Variants in KCTD16 observed in about 807,000 individuals in gnomAD.
KCTD16 encodes BTB/POZ domain-containing protein KCTD16.
A neutral mutation model predicts 33.2 loss-of-function variants in KCTD16; 13 were observed. That is an observed-to-expected ratio of 0.39 (90% CI 0.25 to 0.62). The LOEUF is 0.62. KCTD16 is among the 20% of genes least tolerant of loss of function. The probability of loss-of-function intolerance (pLI) is 0.50; values close to 1 mark genes in which losing one functional copy is unlikely to be tolerated. For missense variants in KCTD16, 441 were observed against 525.1 expected (o/e 0.84, Z 1.57); for synonymous variants, 197 against 195.3 (o/e 1.01, Z -0.07).
intron 3 of KCTD16, among the ~76,000 whole-genome samples, chr5:144,441,089 C>G (rs968865873): frequency 6.6e-6 from 1 of 151,982 alleles, no homozygotes; most frequent in Non-Finnish European, 1.5e-5. Flanking sequence ...TATTCGGATC[C>G]TTTGTTCATT....
chr5:144,415,348 A>T (rs1415125011), intron 3 of KCTD16, among the ~76,000 whole-genome samples: 3 of 152,178 alleles, frequency 2.0e-5, no homozygotes, highest in African/African-American at 7.2e-5. Flanking sequence ...ACACATTTGA[A>T]CCATAGCAAC....
At chr5:144,395,449 T>C (rs1035328383) in intron 3 of KCTD16, among the ~76,000 whole-genome samples, 4 of 152,184 alleles carry the variant, frequency 2.6e-5, no homozygotes, top group African/African-American at 9.7e-5. Flanking sequence ...CTCTGGGCAT[T>C]CTGCTGCAAT....
chr5:144,299,132 ATATATATATATATATATTTTTT>A (rs1751330425), intron 3 of KCTD16, among the ~76,000 whole-genome samples: 4 of 28,650 alleles, frequency 1.4e-4, no homozygotes, highest in African/African-American at 1.1e-3. Context: ...ATATATATAT[ATATATATATATATATATTTTTT>A]TTTTTTTTTT....
chr5:144,244,074 A>G (rs920393705), intron 3 of KCTD16, among the ~76,000 whole-genome samples: 9 of 152,072 alleles, frequency 5.9e-5, no homozygotes, highest in Non-Finnish European at 8.8e-5. Context: ...TATGGCATGT[A>G]ACTCTTTGGG....
chr5:144,344,011 A>C (rs1752716065), intron 3 of KCTD16, among the ~76,000 whole-genome samples: 1 of 152,154 alleles, frequency 6.6e-6, no homozygotes. Context: ...CAAAACAGAG[A>C]TATAGATCAA....
intron 3 of KCTD16, among the ~76,000 whole-genome samples, chr5:144,284,286 G>A (rs1347110874): frequency 6.6e-6 from 1 of 152,186 alleles, no homozygotes. Context: ...AACACTCCAG[G>A]AAATTTGAGG....
At chr5:144,256,332 T>C (rs534570527) in intron 3 of KCTD16, among the ~76,000 whole-genome samples, 2 of 152,356 alleles carry the variant, frequency 1.3e-5, no homozygotes, top group Admixed American at 6.5e-5. Context: ...CTTCCACTAC[T>C]ATAAACACTG....
chr5:144,465,667 C>A (rs1754312682), intron 3 of KCTD16, among the ~76,000 whole-genome samples: 3 of 152,190 alleles, frequency 2.0e-5, no homozygotes, highest in Admixed American at 2.0e-4. Flanking sequence ...AACCCTCATT[C>A]CCTTCCAAGT....
chr5:144,175,619 G>A (rs930811658), intron 2 of KCTD16, among the ~76,000 whole-genome samples: 3 of 152,164 alleles, frequency 2.0e-5, no homozygotes, highest in African/African-American at 7.2e-5. Flanking sequence ...GTAGTTAAGG[G>A]TAGAGGCCCT....
At chr5:144,438,434 T>C (rs533305418) in intron 3 of KCTD16, among the ~76,000 whole-genome samples, 5 of 152,356 alleles carry the variant, frequency 3.3e-5, no homozygotes, top group South Asian at 2.1e-4. Flanking sequence ...GTTGACTCTG[T>C]GCATCTGTCT....
rs1754666488 is a variant in KCTD16, at chr5:144,479,650, T to A, written c.*5536T>A. On this transcript the variant is annotated 3_prime_UTR_variant, in exon 4 of 4. Coordinates refer to ENST00000512467, the MANE Select transcript of KCTD16 (RefSeq NM_020768.4). ...TTAAAACAAAAATGGTTAAATTTGA[T>A]TCAGTTTGTTGCCCTCTCTCCTCTA... 1 of 151,936 alleles carries A rather than the reference T, an allele frequency of 6.6e-6. No individual in the cohort carries two copies. Among genetic ancestry groups the A allele is most frequent in the East Asian group, 1.9e-4 (1 of 5,164 alleles). The allele number at this position is 151,936 out of a possible 1,614,324, so 9.4% of individuals were successfully genotyped here.
intron 3 of KCTD16, among the ~76,000 whole-genome samples, chr5:144,361,060 C>T (rs1433968589): frequency 1.5e-5 from 2 of 132,066 alleles, no homozygotes; most frequent in African/African-American, 2.8e-5. Flanking sequence ...CCCCCTCCCC[C>T]GACCCCACAA....
intron 3 of KCTD16, among the ~76,000 whole-genome samples, chr5:144,375,206 A>C (rs1436311609): frequency 1.3e-5 from 2 of 152,148 alleles, no homozygotes; most frequent in African/African-American, 4.8e-5. Context: ...AAGAGATACT[A>C]CCATAACCTT....
chr5:144,411,407 A>G (rs951848541), intron 3 of KCTD16, among the ~76,000 whole-genome samples: 2 of 152,194 alleles, frequency 1.3e-5, no homozygotes, highest in African/African-American at 4.8e-5. Context: ...CCTTTTTGAC[A>G]AAGGTGTCAA....
intron 2 of KCTD16, among the ~76,000 whole-genome samples, chr5:144,189,917 G>A (rs1393733728): frequency 6.6e-6 from 1 of 152,104 alleles, no homozygotes. Context: ...ACTACTTATT[G>A]CATTCAGGAT....
intron 3 of KCTD16, among the ~76,000 whole-genome samples, chr5:144,245,282 T>C (rs1754518065): frequency 6.6e-6 from 1 of 152,160 alleles, no homozygotes; most frequent in Admixed American, 6.5e-5. Flanking sequence ...GTAGATACTT[T>C]GAAAGAGAAG....
intron 3 of KCTD16, among the ~76,000 whole-genome samples, chr5:144,304,674 C>T (rs1047547460): frequency 1.2e-4 from 18 of 152,044 alleles, no homozygotes; most frequent in African/African-American, 4.1e-4. Flanking sequence ...TGACTTGCAC[C>T]GTCCAGTGGC....
chr5:144,257,750 G>A (rs1323493950), intron 3 of KCTD16, among the ~76,000 whole-genome samples: 1 of 152,134 alleles, frequency 6.6e-6, no homozygotes, highest in Non-Finnish European at 1.5e-5. Context: ...GCCTCCCAAA[G>A]TGCTGGGATT....
In KCTD16 at chr5:144,485,394, G is replaced by T. The variant is rs1489456468; in HGVS notation, c.*11280G>T. Reference sequence around the variant, plus strand: ...TGGAAACAAACTACTCTTTTCTTTGGATTCATTGATGGATATAAAAAATTA... The same window carrying T: ...TGGAAACAAACTACTCTTTTCTTTGTATTCATTGATGGATATAAAAAATTA... On this transcript the variant is annotated 3_prime_UTR_variant, in exon 4 of 4. Coordinates refer to ENST00000512467, the MANE Select transcript of KCTD16 (RefSeq NM_020768.4). The T allele has an allele frequency of 6.6e-6, 1 of 151,762 alleles. No homozygotes were observed. Among genetic ancestry groups the T allele is most frequent in the Non-Finnish European group, 1.5e-5 (1 of 67,878 alleles). 9.4% of individuals were successfully genotyped at this position (151,762 alleles called of 1,614,324 possible).
Sources: gnomAD v4.1 joint callset for allele counts (sites outside exome capture counted in the v4.1 genomes callset) on GRCh38, gnomAD v4.1.1 for gene constraint, MANE v1.5 for transcripts, NCBI Gene and HGNC (gene_info 2026-07-23, HGNC 2026-07-21) for gene names.